Variants in TPTE observed in about 807,000 individuals in gnomAD.
The protein encoded by TPTE is transmembrane phosphatase with tensin homology, also known as putative tyrosine-protein phosphatase TPTE.
In TPTE, 59 loss-of-function variants were observed where a neutral mutation model predicts 84.1. The observed-to-expected ratio is 0.70, with a 90% CI of 0.57 to 0.87. The LOEUF is 0.87. Ranked by LOEUF, TPTE falls within the 40% of genes least tolerant of loss-of-function variation. The pLI, the probability that TPTE is intolerant of heterozygous loss-of-function variation, is 0.00. For synonymous variants in TPTE, 130 were observed against 223.5 expected (o/e 0.58, Z 3.73); for missense variants, 382 against 659.6 (o/e 0.58, Z 4.61).
intron 9 of TPTE, among the ~76,000 whole-genome samples, chr21:10,560,753 C>CT (rs2074782945): frequency 6.6e-6 from 1 of 152,308 alleles, no homozygotes; most frequent in Non-Finnish European, 1.5e-5. Flanking sequence ...TTCAGTTTTA[C>CT]TTTTCTCTCT....
chr21:10,604,581 A>G (rs1377109675), intron 23 of TPTE, among the ~76,000 whole-genome samples: 1 of 152,308 alleles, frequency 6.6e-6, no homozygotes, highest in East Asian at 1.9e-4. Flanking sequence ...GATAGAGTCA[A>G]CTTTGTATTT....
At chr21:10,583,349 T>A (rs903955882) in intron 17 of TPTE, among the ~76,000 whole-genome samples, 1 of 152,312 alleles carries the variant, frequency 6.6e-6, no homozygotes, top group Non-Finnish European at 1.5e-5. Context: ...GAAGTTTTTT[T>A]TAAGATTATT....
At chr21:10,541,958 G>A (rs953844396) in intron 5 of TPTE, among the ~76,000 whole-genome samples, 3 of 152,308 alleles carry the variant, frequency 2.0e-5, no homozygotes, top group African/African-American at 7.2e-5. Context: ...TTGTGCCCCT[G>A]TGTCAGACCT....
At chr21:10,527,630 A>G (rs1240030354) in intron 3 of TPTE, among the ~76,000 whole-genome samples, 1 of 152,310 alleles carries the variant, frequency 6.6e-6, no homozygotes, top group Non-Finnish European at 1.5e-5. Context: ...ATGCCTGTGT[A>G]TGAGACTCTC....
chr21:10,532,325 T>TA (rs1212244902), intron 3 of TPTE, among the ~76,000 whole-genome samples: 4 of 152,428 alleles, frequency 2.6e-5, no homozygotes, highest in Admixed American at 1.3e-4. Context: ...AATCTTATTT[T>TA]AAAAAAATTT....
chr21:10,548,384 T>G (rs1391163104), intron 7 of TPTE, among the ~76,000 whole-genome samples: 1 of 152,310 alleles, frequency 6.6e-6, no homozygotes, highest in African/African-American at 2.4e-5. Context: ...CAATCAGCCA[T>G]GAATGCCCAT....
chr21:10,551,564 A>G (rs1430187061), intron 7 of TPTE, among the ~76,000 whole-genome samples: 1 of 152,310 alleles, frequency 6.6e-6, no homozygotes, highest in Non-Finnish European at 1.5e-5. Context: ...AATTATTAAA[A>G]GGAAATAAAT....
intron 8 of TPTE, among the ~76,000 whole-genome samples, chr21:10,557,826 T>A (rs554378592): frequency 2.0e-3 from 300 of 152,292 alleles, no homozygotes; most frequent in Non-Finnish European, 2.5e-3. Flanking sequence ...TGTTTTTTTT[T>A]ATTTTTTACA....
At chr21:10,564,847 A>G (rs1285261832) in intron 10 of TPTE, among the ~76,000 whole-genome samples, 2 of 152,430 alleles carry the variant, frequency 1.3e-5, no homozygotes, top group Middle Eastern at 3.4e-3. Flanking sequence ...GAAGTAACAT[A>G]CCTCAACTTA....
At chr21:10,525,001 T>C (rs981397286) in intron 2 of TPTE, among the ~76,000 whole-genome samples, 21 of 152,302 alleles carry the variant, frequency 1.4e-4, no homozygotes, top group African/African-American at 4.1e-4. Context: ...ATAATATGCA[T>C]ATACTGGTCA....
chr21:10,565,161 C>T (rs1299261842), intron 10 of TPTE, among the ~76,000 whole-genome samples: 3 of 152,304 alleles, frequency 2.0e-5, no homozygotes, highest in Admixed American at 1.3e-4. Context: ...AGTAAAGTTG[C>T]AGGATACAAA....
intron 2 of TPTE, among the ~76,000 whole-genome samples, chr21:10,525,146 A>G (rs1461897541): frequency 2.4e-4 from 37 of 152,384 alleles, no homozygotes; most frequent in African/African-American, 8.4e-4. Context: ...TCCCATCTCA[A>G]TTAACACCTG....
At chr21:10,583,390 AC>A (rs2075303870) in intron 17 of TPTE, among the ~76,000 whole-genome samples, 1 of 152,306 alleles carries the variant, frequency 6.6e-6, no homozygotes, top group African/African-American at 2.4e-5. Context: ...TTGTAAAGTA[AC>A]TTTTTAATTT....
chr21:10,558,310 T>C (rs1384573189), intron 8 of TPTE, among the ~76,000 whole-genome samples: 1 of 152,312 alleles, frequency 6.6e-6, no homozygotes, highest in Non-Finnish European at 1.5e-5. Flanking sequence ...TGCTTTTAGC[T>C]CTTCAAGGTA....
At chr21:10,603,859 T>A (rs1978924206) in intron 23 of TPTE, among the ~76,000 whole-genome samples, 1 of 152,302 alleles carries the variant, frequency 6.6e-6, no homozygotes, top group African/African-American at 2.4e-5. Flanking sequence ...GCCATAGGAC[T>A]GTGTTACGAG....
intron 8 of TPTE, among the ~76,000 whole-genome samples, chr21:10,558,807 CA>C (rs1035957732): frequency 3.3e-5 from 5 of 151,980 alleles, no homozygotes; most frequent in African/African-American, 9.7e-5. Flanking sequence ...TTCAGTAGGA[CA>C]AAAAAAATTG....
intron 17 of TPTE, among the ~76,000 whole-genome samples, chr21:10,589,852 A>G (rs1338284688): frequency 6.6e-6 from 1 of 152,312 alleles, no homozygotes; most frequent in Non-Finnish European, 1.5e-5. Flanking sequence ...TCTTGAATTA[A>G]AGCTCACAGA....
chr21:10,551,060 C>G (rs1445589046), intron 7 of TPTE, among the ~76,000 whole-genome samples: 1 of 152,306 alleles, frequency 6.6e-6, no homozygotes, highest in East Asian at 1.9e-4. Context: ...ACAAATGTAA[C>G]TAGAAACACA....
chr21:10,570,917 C>G (rs1396559917), intron 14 of TPTE, among the ~76,000 whole-genome samples: 31 of 152,370 alleles, frequency 2.0e-4, no homozygotes, highest in African/African-American at 7.5e-4. Context: ...GACTTGGCTA[C>G]CCTCGACTGA....
Sources: gnomAD v4.1 joint callset for allele counts (sites outside exome capture counted in the v4.1 genomes callset) on GRCh38, gnomAD v4.1.1 for gene constraint, MANE v1.5 for transcripts, NCBI Gene and HGNC (gene_info 2026-07-23, HGNC 2026-07-21) for gene names.